MED13: variants seen among roughly 807,000 people sequenced by gnomAD.
MED13 encodes the protein mediator of RNA polymerase II transcription subunit 13.
In MED13, 23 loss-of-function variants were observed where a neutral mutation model predicts 225.2. The ratio of observed to expected loss-of-function variants is 0.10; its 90% CI spans 0.07 to 0.14. The LOEUF (loss-of-function observed/expected upper bound fraction) is 0.14. Ranked by LOEUF, MED13 falls within the 10% of genes least tolerant of loss-of-function variation. MED13 has a pLI of 1.00. For missense variants in MED13, 2,197 were observed against 2,594.5 expected, an observed-to-expected ratio of 0.85 and a Z score of 3.33; for synonymous variants, 942 against 889.2, an observed-to-expected ratio of 1.06 and a Z score of -1.06.
rs759373231 is a variant in MED13, at chr17:62,011,057, C to A, written c.1460G>T (p.Gly487Val). The A allele has an allele frequency of 2.5e-6, 4 of 1,614,074 alleles. No individual in the cohort carries two copies. Among genetic ancestry groups the A allele is most frequent in the South Asian group, 2.2e-5 (2 of 91,084 alleles). ...TTGGCTGGCTGAATCTGCGTCCATGCCAACATCATCACTAACAGACACACG... is the reference window on the plus strand; with the variant it reads ...TTGGCTGGCTGAATCTGCGTCCATGACAACATCATCACTAACAGACACACG... ...HHRVSVSDDV[G>V]MDADSASQRL... Residue 487 changes from glycine (G) to valine (V), a missense_variant, in exon 9 of 30, where the codon GGC (glycine) becomes GTC (valine). By Grantham distance (109) the Gly-to-Val change is moderately radical (BLOSUM62 -3). Coordinates refer to ENST00000397786, the MANE Select transcript of MED13 (RefSeq NM_005121.3).
At chr17:61,983,188 A>G in intron 15 of MED13, 74 bp from the exon 16 acceptor site, 1 of 1,193,702 alleles carries the variant, frequency 8.4e-7, no homozygotes, top group Non-Finnish European at 1.1e-6. Context: ...ATACAACTAA[A>G]AACGTCCCAA....
Position 61,961,687 on chromosome 17 carries a change from A to G in MED13, c.5157T>C (p.Phe1719=). The G allele has an allele frequency of 1.9e-6, 3 of 1,614,124 alleles. No individual in the cohort carries two copies. The highest frequency in any genetic ancestry group is 2.5e-6 in the Non-Finnish European group (3 of 1,179,976). The part of the protein sequence containing the change: ...QHLKSLAFSA[F]TQCRRPLPTS... ...TTGGAAGTGGCCTCCGACACTGGGT[A>G]AAGGCCGAAAAAGCCAGGGATTTTA... The change falls in exon 22 of 30, where the codon TTT becomes TTC. Residue 1719 remains phenylalanine, a synonymous_variant. Coordinates refer to ENST00000397786, the MANE Select transcript of MED13 (RefSeq NM_005121.3).
chr17:61,982,099 T>C (rs558282747), intron 16 of MED13, 99 bp downstream of exon 16: 28 of 1,154,194 alleles, frequency 2.4e-5, no homozygotes, highest in Non-Finnish European at 3.2e-5. Context: ...CAACTTTAAA[T>C]GTATTTGCCA....
At chr17:62,031,352 T>C (rs951575268) in intron 6 of MED13, 92 bp downstream of exon 6, 2 of 1,136,894 alleles carry the variant, frequency 1.8e-6, no homozygotes, top group African/African-American at 3.2e-5. Flanking sequence ...CTCAAGAAGT[T>C]TGAAACTATT....
chr17:61,971,537 G>A (rs1338506511), intron 17 of MED13, among the ~76,000 whole-genome samples: 1 of 152,034 alleles, frequency 6.6e-6, no homozygotes, highest in African/African-American at 2.4e-5. Flanking sequence ...CCAACTTCAG[G>A]TGATGCACCT....
chr17:61,975,215 T>TTA (rs1409256973), intron 16 of MED13, among the ~76,000 whole-genome samples: 5 of 151,536 alleles, frequency 3.3e-5, no homozygotes, highest in Admixed American at 3.3e-4. Flanking sequence ...ATAAGGGGGC[T>TTA]TATATCCTTG....
At position 61,995,350 on chromosome 17, in the gene MED13, A is replaced by G. The variant is rs1227854892; in HGVS notation, c.1983T>C (p.Cys661=). ...CATCAGAAACTTTTAAAGGTTTCTT[A>G]CATTGCACCATTAACCTGCATAAAA... ...VTSVTELMVQ[C]KKPLKVSDEL... Residue 661 remains cysteine (C), a synonymous_variant, in exon 10 of 30, where the codon TGT becomes TGC. Coordinates refer to ENST00000397786, the MANE Select transcript of MED13 (RefSeq NM_005121.3). 1 of 1,608,456 alleles carries G rather than the reference A, an allele frequency of 6.2e-7. No individual in the cohort carries two copies.
intron 3 of MED13, among the ~76,000 whole-genome samples, chr17:62,050,361 A>G (rs1165031854): frequency 1.4e-5 from 2 of 141,460 alleles, no homozygotes; most frequent in African/African-American, 2.6e-5. Context: ...TCCGTATCAG[A>G]AAAAAAAAAA....
intron 17 of MED13, among the ~76,000 whole-genome samples, chr17:61,968,693 ATACT>A (rs2080080794): frequency 6.6e-6 from 1 of 152,174 alleles, no homozygotes; most frequent in African/African-American, 2.4e-5. Flanking sequence ...AGAGACAAAA[ATACT>A]TAATGCCAGT....
intron 2 of MED13, among the ~76,000 whole-genome samples, chr17:62,062,772 C>T (rs2081051439): frequency 6.6e-6 from 1 of 152,072 alleles, no homozygotes; most frequent in Non-Finnish European, 1.5e-5. Context: ...TTTCCTGATT[C>T]CATTTTTTTA....
chr17:62,043,952 A>G (rs2080877020), intron 3 of MED13, among the ~76,000 whole-genome samples: 1 of 152,134 alleles, frequency 6.6e-6, no homozygotes, highest in Non-Finnish European at 1.5e-5. Context: ...AGTACATTAG[A>G]TGACAGGAAG....
intron 23 of MED13, among the ~76,000 whole-genome samples, chr17:61,960,272 C>CTT (rs1021350754): frequency 6.9e-6 from 1 of 145,612 alleles, no homozygotes; most frequent in Non-Finnish European, 1.5e-5. Context: ...GACAACCAAA[C>CTT]TTTTTTTTTT....
chr17:62,039,117 T>C (rs1365804119), intron 3 of MED13, among the ~76,000 whole-genome samples: 2 of 152,232 alleles, frequency 1.3e-5, no homozygotes, highest in Non-Finnish European at 1.5e-5. Context: ...ACTGTTTATC[T>C]GCCACTACCC....
chr17:62,031,814 T>C (rs2080760146), intron 5 of MED13, among the ~76,000 whole-genome samples, 176 bp from the exon 6 acceptor site: 1 of 151,994 alleles, frequency 6.6e-6, no homozygotes, highest in African/African-American at 2.4e-5. Context: ...TTTTTCTCTT[T>C]TTTAGAAGAA....
chr17:62,040,595 C>T (rs2080844686), intron 3 of MED13, among the ~76,000 whole-genome samples: 2 of 152,076 alleles, frequency 1.3e-5, no homozygotes, highest in South Asian at 4.1e-4. Flanking sequence ...AAAATGATAT[C>T]CCATTTGCCA....
intron 9 of MED13, among the ~76,000 whole-genome samples, chr17:62,002,821 C>T (rs756791695): frequency 1.3e-5 from 2 of 152,310 alleles, no homozygotes; most frequent in African/African-American, 2.4e-5. Flanking sequence ...TCAGTAAACA[C>T]GCTGATCTTT....
chr17:62,062,600 CCACACACA>C lies in MED13; in HGVS notation c.301+459_301+466del, dbSNP rs58730188. Among the ~76,000 whole-genome samples the C allele has an allele frequency of 3.1e-3, 419 of 136,294 alleles. 2 individuals carry two copies. The highest frequency in any genetic ancestry group is 6.8e-3 in the African/African-American group (228 of 33,600). 89.4% of individuals were successfully genotyped at this position (136,294 alleles called of 152,430 possible). A position where few individuals can be genotyped will look rare whatever the true frequency, so the allele number is the denominator to read the frequency against. ...TAAAACACACACACACACACACACA[CCACACACA>C]CACACACACACACACACACGGATAG... On this transcript the variant is annotated intron_variant, in intron 2 of 29. Coordinates refer to ENST00000397786, the MANE Select transcript of MED13 (RefSeq NM_005121.3).
chr17:62,054,350 A>C lies in MED13; in HGVS notation c.302-1645T>G, dbSNP rs1444515729. ...GGTAAGCTTAGGGAAAAAAAAGTAG[A>C]ATAAGCTTGAGAAAATGACAATATT... On this transcript the variant is annotated intron_variant, in intron 2 of 29. Coordinates refer to ENST00000397786, the MANE Select transcript of MED13 (RefSeq NM_005121.3). Among the ~76,000 whole-genome samples the C allele has an allele frequency of 2.6e-5, 4 of 152,176 alleles. No homozygotes were observed. In the East Asian group the frequency reaches 7.7e-4, roughly 29 times the overall value.
At position 62,029,906 on chromosome 17, in the gene MED13, T is replaced by G; in HGVS notation, c.1117A>C (p.Asn373His). The G allele has an allele frequency of 6.2e-7, 1 of 1,614,056 alleles. No individual in the cohort carries two copies. Among genetic ancestry groups the G allele is most frequent in the Non-Finnish European group, 8.5e-7 (1 of 1,180,008 alleles). ...TGCCAAACTCTATCCACCACATGAT[T>G]TGCTAATTTTCTGGGTATTTTCCCA... ...HGGKIPRKLANHVVDRVWQEC... is the reference protein window; with the variant it reads ...HGGKIPRKLAHHVVDRVWQEC... Residue 373 changes from asparagine to histidine, a missense_variant, in exon 7 of 30, where the codon AAT becomes CAT. Physicochemically the swap from Asn to His is moderately conservative, Grantham distance 68. Transcript: ENST00000397786.
Sources: gnomAD v4.1 joint callset for allele counts (sites outside exome capture counted in the v4.1 genomes callset) on GRCh38, gnomAD v4.1.1 for gene constraint, MANE v1.5 for transcripts, NCBI Gene and HGNC (gene_info 2026-07-23, HGNC 2026-07-21) for gene names.